The following SEC11C variants were observed in gnomAD, a reference collection of about 807,000 sequenced individuals.
SEC11C encodes the protein signal peptidase complex catalytic subunit SEC11C.
In SEC11C, 10 loss-of-function variants were observed where a neutral mutation model predicts 21.9. That is an observed-to-expected ratio of 0.46 (90% CI 0.28 to 0.77). The LOEUF (loss-of-function observed/expected upper bound fraction) is 0.77, where lower values mean the gene tolerates loss of function less well. Among genes scored for constraint, SEC11C ranks in the 30% least tolerant of loss-of-function variants. The pLI is 0.12. For synonymous variants in SEC11C, 83 were observed against 85.6 expected (o/e 0.97, Z 0.17); for missense variants, 145 against 244.5 (o/e 0.59, Z 2.71).
intron 1 of SEC11C, 25 bp from the exon 2 acceptor site, chr18:59,149,488 C>T (rs774231650): frequency 1.1e-5 from 17 of 1,478,910 alleles, no homozygotes; most frequent in East Asian, 9.1e-5. Context: ...TGGTTTTCAT[C>T]GTGGTTTCCT....
intron 1 of SEC11C, among the ~76,000 whole-genome samples, chr18:59,149,147 G>T (rs1287449051): frequency 2.0e-5 from 3 of 152,154 alleles, no homozygotes; most frequent in Non-Finnish European, 2.9e-5. Context: ...TCCCCATGCT[G>T]CGCTGTGTCT....
intron 4 of SEC11C, 84 bp from the exon 5 acceptor site, chr18:59,157,524 G>A (rs2069431812): frequency 2.2e-6 from 2 of 929,318 alleles, no homozygotes; most frequent in East Asian, 4.8e-5. Flanking sequence ...CATTTCTTAA[G>A]ACTGATCTAT....
chr18:59,147,677 AC>A (rs11319647), intron 1 of SEC11C: 38,780 of 151,766 alleles, frequency 0.26, 5,611 homozygotes, highest in East Asian at 0.64. Context: ...GGTGAAGGGG[AC>A]CGTAGGGCTG....
intron 2 of SEC11C, among the ~76,000 whole-genome samples, chr18:59,152,316 C>T (rs1039289513): frequency 5.3e-5 from 8 of 152,066 alleles, no homozygotes; most frequent in Non-Finnish European, 1.2e-4. Context: ...CTGATACAAA[C>T]TGCAGAGGGT....
intron 4 of SEC11C, chr18:59,156,623 A>G (rs2069420912): frequency 1.3e-5 from 2 of 152,250 alleles, no homozygotes; most frequent in Non-Finnish European, 1.5e-5. Context: ...CAGAGAATGT[A>G]TCCTCATTAA....
intron 3 of SEC11C, 171 bp from the exon 4 acceptor site, chr18:59,155,517 C>T (rs1461675288): frequency 1.8e-6 from 1 of 556,364 alleles, no homozygotes; most frequent in South Asian, 2.2e-5. Flanking sequence ...ATTTGTGCTT[C>T]AGTTGAATGG....
At chr18:59,155,269 T>G (rs888763653) in intron 3 of SEC11C, among the ~76,000 whole-genome samples, 60 of 152,176 alleles carry the variant, frequency 3.9e-4, no homozygotes, top group African/African-American at 1.4e-3. Flanking sequence ...TTGAAAGAAT[T>G]GCACAGAGGT....
chr18:59,146,689 A>G (rs1408534248), intron 1 of SEC11C, among the ~76,000 whole-genome samples: 1 of 152,140 alleles, frequency 6.6e-6, no homozygotes, highest in Non-Finnish European at 1.5e-5. Context: ...AAGGGGAGCA[A>G]CTTGGGGTAG....
chr18:59,155,841 A>G (rs776886778), intron 4 of SEC11C, 34 bp downstream of exon 4: 1 of 1,606,224 alleles, frequency 6.2e-7, no homozygotes, highest in South Asian at 1.1e-5. Flanking sequence ...ATAGAAGGTT[A>G]TGAAAAACAC....
chr18:59,152,489 T>C, intron 2 of SEC11C, 47 bp from the exon 3 acceptor site: 2 of 1,540,364 alleles, frequency 1.3e-6, no homozygotes, highest in Non-Finnish European at 1.7e-6. Flanking sequence ...TCTGATCGCC[T>C]TTTGGACACA....
intron 5 of SEC11C, 62 bp from the exon 6 acceptor site, chr18:59,158,570 C>G (rs991554979): frequency 1.5e-6 from 2 of 1,340,062 alleles, no homozygotes; most frequent in African/African-American, 2.9e-5. Context: ...CATCTGAATA[C>G]ATTTACAGAC....
chr18:59,153,799 T>C (rs2069387698), intron 3 of SEC11C, among the ~76,000 whole-genome samples: 1 of 151,476 alleles, frequency 6.6e-6, no homozygotes, highest in Non-Finnish European at 1.5e-5. Context: ...CTCCACCTCC[T>C]GGGTTCAAGC....
At chr18:59,151,888 G>A (rs4940847) in intron 2 of SEC11C, among the ~76,000 whole-genome samples, 85,427 of 152,098 alleles carry the variant, frequency 0.56, 25,515 homozygotes, top group East Asian at 0.88. Flanking sequence ...CTTTGAATCC[G>A]CCAAAGATTT....
At chr18:59,149,463 T>G in intron 1 of SEC11C, 50 bp from the exon 2 acceptor site, 23 of 1,228,758 alleles carry the variant, frequency 1.9e-5, no homozygotes, top group East Asian at 2.4e-5. Flanking sequence ...CACAGGTTGG[T>G]GGATCTTCTG....
intron 1 of SEC11C, among the ~76,000 whole-genome samples, chr18:59,142,930 GGTTTAACATA>G (rs2069228276): frequency 6.6e-6 from 1 of 152,150 alleles, no homozygotes; most frequent in African/African-American, 2.4e-5. Context: ...AAGAAGCAAT[GGTTTAACATA>G]TTATAGCCCA....
intron 2 of SEC11C, among the ~76,000 whole-genome samples, chr18:59,150,366 C>A (rs2069333696): frequency 6.6e-6 from 1 of 152,214 alleles, no homozygotes; most frequent in South Asian, 2.1e-4. Context: ...CTCTTAGCTC[C>A]CAAACCAGTG....
In SEC11C at chr18:59,139,995, T is replaced by C; in HGVS notation, c.47T>C (p.Leu16Ser). The C allele has an allele frequency of 6.3e-7, 1 of 1,595,766 alleles. No individual in the cohort carries two copies. The highest frequency in any genetic ancestry group is 8.6e-7 in the Non-Finnish European group (1 of 1,169,450). Residue 16 changes from leucine to serine, a missense_variant, in exon 1 of 6, where the codon TTG becomes TCG. By Grantham distance (145) the Leu-to-Ser change is moderately radical. Coordinates refer to ENST00000587834, the MANE Select transcript of SEC11C (RefSeq NM_033280.4). ...GGGGCTCATCTCCCCGCGTCCGGCT[T>C]GGATATCTTCGGGGACCTGAAGAAG... The part of the protein sequence containing the change: ...AVGAHLPASG[L>S]DIFGDLKKMN...
intron 4 of SEC11C, chr18:59,156,056 C>T (rs954200534): frequency 2.0e-5 from 7 of 348,868 alleles, no homozygotes; most frequent in East Asian, 7.6e-5. Context: ...TCCAGCCAGG[C>T]GCAGTGGCTC....
chr18:59,152,462 A>T, intron 2 of SEC11C, 74 bp from the exon 3 acceptor site: 1 of 1,450,788 alleles, frequency 6.9e-7, no homozygotes, highest in South Asian at 1.6e-5. Flanking sequence ...ATTGAGTTTC[A>T]CCTCTGACAT....
Sources: gnomAD v4.1 joint callset for allele counts (sites outside exome capture counted in the v4.1 genomes callset) on GRCh38, gnomAD v4.1.1 for gene constraint, MANE v1.5 for transcripts, NCBI Gene and HGNC (gene_info 2026-07-23, HGNC 2026-07-21) for gene names.